The following ACSF2 variants were observed in gnomAD, a reference collection of about 807,000 sequenced individuals.
ACSF2 encodes the protein medium-chain acyl-CoA ligase ACSF2, mitochondrial.
A neutral mutation model predicts 79.3 loss-of-function variants in ACSF2; 52 were observed. The observed-to-expected ratio is 0.66, with a 90% CI of 0.53 to 0.83. The LOEUF is 0.83. ACSF2 is among the 40% of genes least tolerant of loss of function. ACSF2 has a pLI of 0.00. For synonymous variants in ACSF2, 283 were observed against 312.6 expected, an observed-to-expected ratio of 0.91 and a Z score of 1.00; for missense variants, 661 against 803.3, an observed-to-expected ratio of 0.82 and a Z score of 2.14.
At chr17:50,473,635 T>C (rs1286899122) in intron 12 of ACSF2, 30 bp from the exon 13 acceptor site, 2 of 1,613,854 alleles carry the variant, frequency 1.2e-6, no homozygotes, top group African/African-American at 1.3e-5. Context: ...AAGGCAGAGA[T>C]GACAGGTTGC....
intron 10 of ACSF2, 33 bp from the exon 11 acceptor site, chr17:50,470,995 G>A (rs2033090839): frequency 6.6e-7 from 1 of 1,525,198 alleles, no homozygotes; most frequent in Non-Finnish European, 9.1e-7. Context: ...CACGTGCTGA[G>A]CCCTCTTCAA....
chr17:50,432,330 C>T (rs2143486915), intron 1 of ACSF2, among the ~76,000 whole-genome samples: 1 of 152,340 alleles, frequency 6.6e-6, no homozygotes, highest in East Asian at 1.9e-4. Flanking sequence ...GCAACCTGTC[C>T]TAGTGGTGAG....
At chr17:50,455,398 G>A (rs2031931422) in intron 1 of ACSF2, among the ~76,000 whole-genome samples, 1 of 152,116 alleles carries the variant, frequency 6.6e-6, no homozygotes, top group African/African-American at 2.4e-5. Context: ...TTTGGAGAGT[G>A]ATCCTAGGAA....
In ACSF2 at chr17:50,461,647, A is replaced by G; in HGVS notation, c.468A>G (p.Pro156=). Residue 156 remains proline, a synonymous_variant, in exon 4 of 16, where the codon CCA becomes CCG. Transcript: ENST00000300441. ...GCTTCCACCAGGTGTCTGTGAACCC[A>G]GCCTACCAGGCTATGGAACTGGAGT... The part of the protein sequence containing the change: ...QAGIILVSVN[P]AYQAMELEYV... The G allele has an allele frequency of 6.2e-7, 1 of 1,614,112 alleles. No homozygotes were observed. Among genetic ancestry groups the G allele is most frequent in the South Asian group, 1.1e-5 (1 of 91,088 alleles).
At chr17:50,436,454 CAG>C (rs1426321552) in intron 1 of ACSF2, among the ~76,000 whole-genome samples, 3 of 147,140 alleles carry the variant, frequency 2.0e-5, no homozygotes, top group African/African-American at 7.6e-5. Context: ...TTTCCTGCGA[CAG>C]AGTTTCACTC....
intron 1 of ACSF2, among the ~76,000 whole-genome samples, chr17:50,453,380 G>C (rs2031793934): frequency 6.6e-6 from 1 of 151,938 alleles, no homozygotes; most frequent in African/African-American, 2.4e-5. Context: ...CTAATTTTTT[G>C]TATTTTTAGT....
chr17:50,440,081 C>T (rs2030770138), intron 1 of ACSF2, among the ~76,000 whole-genome samples: 1 of 151,886 alleles, frequency 6.6e-6, no homozygotes, highest in Non-Finnish European at 1.5e-5. Flanking sequence ...GTCTTTTAGC[C>T]TTGTTGATGA....
At chr17:50,429,814 G>A (rs554827672) in intron 1 of ACSF2, among the ~76,000 whole-genome samples, 4 of 152,232 alleles carry the variant, frequency 2.6e-5, no homozygotes, top group South Asian at 4.1e-4. Context: ...CACCACGCCC[G>A]GCCCAGAGTC....
intron 10 of ACSF2, 185 bp downstream of exon 10, chr17:50,464,479 G>A (rs912253496): frequency 4.2e-6 from 3 of 706,168 alleles, no homozygotes; most frequent in Non-Finnish European, 7.7e-6. Flanking sequence ...GAAGGAGATA[G>A]GTGGCAGGGG....
At chr17:50,431,652 A>G (rs2029936670) in intron 1 of ACSF2, among the ~76,000 whole-genome samples, 1 of 152,084 alleles carries the variant, frequency 6.6e-6, no homozygotes, top group African/African-American at 2.4e-5. Context: ...GTGCCACCAT[A>G]CCCAGATCAT....
chr17:50,433,111 C>T (rs118005073), intron 1 of ACSF2, among the ~76,000 whole-genome samples: 4 of 143,974 alleles, frequency 2.8e-5, no homozygotes, highest in East Asian at 2.0e-4. Flanking sequence ...TTTTCTTTTT[C>T]TTTTTTTTTT....
chr17:50,461,927 G>GGTTGTGT (rs2032354705), intron 4 of ACSF2, among the ~76,000 whole-genome samples: 1 of 148,120 alleles, frequency 6.8e-6, no homozygotes, highest in African/African-American at 2.5e-5. Flanking sequence ...TCAGGGCAGA[G>GGTTGTGT]GTGTGTGTGT....
At chr17:50,461,754 GT>G in intron 4 of ACSF2, 68 bp downstream of exon 4, 8 of 1,565,430 alleles carry the variant, frequency 5.1e-6, no homozygotes, top group Non-Finnish European at 7.0e-6. Flanking sequence ...GACTCTGCTT[GT>G]CAGAGTCTGA....
intron 1 of ACSF2, among the ~76,000 whole-genome samples, chr17:50,449,480 C>T (rs2031526738): frequency 6.6e-6 from 1 of 151,462 alleles, no homozygotes; most frequent in Non-Finnish European, 1.5e-5. Flanking sequence ...TCTCGGCTCA[C>T]TGCAAGCTCT....
intron 1 of ACSF2, among the ~76,000 whole-genome samples, chr17:50,442,014 AT>A (rs998282852): frequency 6.6e-6 from 1 of 151,506 alleles, no homozygotes; most frequent in Non-Finnish European, 1.5e-5. Flanking sequence ...AATTAAAAAC[AT>A]TTTTTTTGGC....
intron 10 of ACSF2, chr17:50,465,751 G>A: frequency 1.2e-6 from 2 of 1,613,828 alleles, no homozygotes; most frequent in Non-Finnish European, 1.7e-6. Context: ...AGGGGTTATT[G>A]GTAAGGGCGA....
At chr17:50,462,103 G>C (rs1433508715) in intron 4 of ACSF2, 81 bp from the exon 5 acceptor site, 33 of 1,193,800 alleles carry the variant, frequency 2.8e-5, no homozygotes, top group Non-Finnish European at 3.7e-5. Context: ...CTGTATGAGA[G>C]CAGCTGATTA....
Position 50,471,230 on chromosome 17 carries a change from A to T in ACSF2, c.1323+95A>T. ...TCGGTTGCTTTCAGTGAGAGAGTCA[A>T]ATGGCTCACTCAGGATGCCTAGAGC... On this transcript the variant is annotated intron_variant, in intron 11 of 15. Transcript: ENST00000300441. This position sits in a 1 kb window ranked among gnomAD's most constrained non-coding sequence, Gnocchi z 4.1. 2 of 1,015,112 alleles carry T rather than the reference A, an allele frequency of 2.0e-6. No homozygotes were observed. The highest frequency in any genetic ancestry group is 3.1e-6 in the Non-Finnish European group (2 of 651,556). 62.9% of individuals were successfully genotyped at this position (1,015,112 alleles called of 1,614,324 possible).
intron 1 of ACSF2, among the ~76,000 whole-genome samples, chr17:50,455,799 C>G (rs1215139611): frequency 6.6e-6 from 1 of 152,200 alleles, no homozygotes; most frequent in Non-Finnish European, 1.5e-5. Context: ...CCTCGAGTCC[C>G]TGGCCTGGTG....
Sources: allele counts gnomAD v4.1 joint callset (sites outside exome capture counted in the v4.1 genomes callset), GRCh38; gene constraint gnomAD v4.1.1; non-coding constraint Gnocchi (gnomAD v3.1); transcripts MANE v1.5; gene names NCBI Gene and HGNC (gene_info 2026-07-23, HGNC 2026-07-21).